Variants in SGCZ observed in about 807,000 individuals in gnomAD.
SGCZ encodes the protein sarcoglycan zeta.
A neutral mutation model predicts 41.3 loss-of-function variants in SGCZ; 40 were observed. The observed-to-expected ratio is 0.97, with a 90% CI of 0.75 to 1.26. The LOEUF (loss-of-function observed/expected upper bound fraction) is 1.26. Among genes scored for constraint, SGCZ ranks in the 50% most tolerant of loss-of-function variants. SGCZ has a pLI of 0.00. For synonymous variants in SGCZ, 206 were observed against 137.5 expected (o/e 1.50, Z -3.49); for missense variants, 552 against 369.8 (o/e 1.49, Z -4.04).
intron 2 of SGCZ, among the ~76,000 whole-genome samples, chr8:14,542,899 C>T (rs918684170): frequency 2.0e-5 from 3 of 151,470 alleles, no homozygotes; most frequent in Non-Finnish European, 4.4e-5. Flanking sequence ...CTACTATTAC[C>T]TTTTTTTTAA....
chr8:14,194,332 C>T (rs906988084), intron 4 of SGCZ, among the ~76,000 whole-genome samples: 1 of 151,770 alleles, frequency 6.6e-6, no homozygotes, highest in African/African-American at 2.4e-5. Flanking sequence ...GAAAACGAGA[C>T]CAGAGTAAGT....
At position 14,204,705 on chromosome 8, in the gene SGCZ, A is replaced by T. The variant is rs1028784505; in HGVS notation, c.424+32887T>A. On this transcript the variant is annotated intron_variant, in intron 4 of 7. Coordinates refer to ENST00000382080, the MANE Select transcript of SGCZ (RefSeq NM_139167.4). ...GCTGGGTAGAACAAAAAGTTAGAGG[A>T]AAACCAGATCCTTTATTTTTATGCT... is the stretch of plus-strand genomic sequence containing the variant. 7.9e-5 allele frequency among the ~76,000 whole-genome samples: 12 copies of T among 152,280 alleles called. 1 individual carries two copies. The highest frequency in any genetic ancestry group is 2.9e-4 in the African/African-American group (12 of 41,570).
At chr8:14,504,784 T>G (rs1393069313) in intron 2 of SGCZ, among the ~76,000 whole-genome samples, 1 of 152,180 alleles carries the variant, frequency 6.6e-6, no homozygotes, top group East Asian at 1.9e-4. Flanking sequence ...CTGTTTCCCC[T>G]CAGCTGAAAC....
chr8:14,553,266 A>C lies in SGCZ; in HGVS notation c.234+1466T>G, dbSNP rs375028305. ...GAGAGGGTAAAGTGAGCCAACTCTT[A>C]GACAAAGAAGTGATTCAGATGCATT... On this transcript the variant is annotated intron_variant, in intron 2 of 7. Transcript: ENST00000382080. 2.3e-3 allele frequency among the ~76,000 whole-genome samples: 356 copies of C among 152,108 alleles called. 1 individual carries two copies. The highest frequency in any genetic ancestry group is 4.6e-3 in the Non-Finnish European group (314 of 67,974).
At chr8:14,797,411 G>A (rs1262890753) in intron 1 of SGCZ, among the ~76,000 whole-genome samples, 1 of 152,160 alleles carries the variant, frequency 6.6e-6, no homozygotes, top group African/African-American at 2.4e-5. Flanking sequence ...TCAGCAAAGA[G>A]ACTGGAGGCA....
At chr8:14,926,147 T>G (rs995000321) in intron 1 of SGCZ, among the ~76,000 whole-genome samples, 1 of 152,270 alleles carries the variant, frequency 6.6e-6, no homozygotes, top group South Asian at 2.1e-4. Flanking sequence ...TCAGTAAAAA[T>G]ATTTCATTTT....
rs1465325848 is a variant in SGCZ, at chr8:14,090,582, GAGA to G, written c.797_799del (p.Phe266del). 1 of 1,612,754 alleles carries G rather than the reference GAGA, an allele frequency of 6.2e-7. No homozygotes were observed. Among genetic ancestry groups the G allele is most frequent in the East Asian group, 2.2e-5 (1 of 44,854 alleles). ...ACTTGAGGAGCTGGGTGAAGAAGAT[GAGA>G]AGGAGCCAGTTGGTAGATTTCCCAG... On this transcript the variant is annotated inframe_deletion, in exon 8 of 8. Transcript: ENST00000382080.
intron 1 of SGCZ, among the ~76,000 whole-genome samples, chr8:15,086,969 T>C (rs1442881000): frequency 6.6e-6 from 1 of 151,934 alleles, no homozygotes; most frequent in South Asian, 2.1e-4. Context: ...AAATGATTAA[T>C]CAGCTCATCT....
intron 1 of SGCZ, among the ~76,000 whole-genome samples, chr8:15,051,539 T>G: frequency 6.6e-6 from 1 of 152,138 alleles, no homozygotes. Context: ...AGGATTGGAA[T>G]TGTGGAGTGC....
chr8:14,658,163 C>T (rs1047930493), intron 1 of SGCZ, among the ~76,000 whole-genome samples: 2 of 152,190 alleles, frequency 1.3e-5, no homozygotes, highest in Admixed American at 6.6e-5. Flanking sequence ...CAACTTCATT[C>T]TTTCAATTCC....
chr8:15,112,991 T>G (rs1807127837), intron 1 of SGCZ, among the ~76,000 whole-genome samples: 3 of 152,122 alleles, frequency 2.0e-5, no homozygotes, highest in South Asian at 4.2e-4. Flanking sequence ...GGTGGATCGC[T>G]TGGGCCCAGG....
intron 2 of SGCZ, among the ~76,000 whole-genome samples, chr8:14,503,343 G>A (rs531912056): frequency 3.2e-4 from 48 of 152,124 alleles, no homozygotes; most frequent in Non-Finnish European, 6.5e-4. Context: ...AATACCTAAC[G>A]TAGATGATGG....
chr8:15,085,534 A>T (rs1044359154), intron 1 of SGCZ, among the ~76,000 whole-genome samples: 2 of 152,184 alleles, frequency 1.3e-5, no homozygotes, highest in Admixed American at 6.5e-5. Flanking sequence ...GTGGGATATG[A>T]CATGTCAATA....
chr8:14,111,057 T>TAACAAC (rs1302314474), intron 5 of SGCZ, among the ~76,000 whole-genome samples: 17 of 46,534 alleles, frequency 3.7e-4, no homozygotes, highest in African/African-American at 2.2e-3. Context: ...ATATTAAAAA[T>TAACAAC]AATAACAACA....
rs777721336 is a variant in SGCZ at position 14,164,565 on chromosome 8, C to T, written c.547+15G>A. 68 of 1,612,530 alleles carry T rather than the reference C, an allele frequency of 4.2e-5. No individual in the cohort carries two copies. In the Middle Eastern group the frequency reaches 1.2e-3, roughly 27 times the overall value. On this transcript the variant is annotated intron_variant, in intron 5 of 7. Transcript: ENST00000382080. ...AAAGAAGTAAACAATTTTTCAAGAC[C>T]TCCATCTACAGTACCTGTAACTTTC...
At chr8:14,605,259 GTT>G (rs146346588) in intron 1 of SGCZ, among the ~76,000 whole-genome samples, 2 of 151,000 alleles carry the variant, frequency 1.3e-5, no homozygotes, top group Non-Finnish European at 3.0e-5. Context: ...TCTTTTTAAA[GTT>G]TTTTTTTAAG....
intron 1 of SGCZ, among the ~76,000 whole-genome samples, chr8:15,033,359 G>A (rs1244475452): frequency 6.6e-6 from 1 of 151,754 alleles, no homozygotes; most frequent in East Asian, 2.0e-4. Context: ...AACCAGGCTA[G>A]CACAAATAAT....
chr8:14,467,825 A>G (rs1163063864), intron 2 of SGCZ, among the ~76,000 whole-genome samples: 2 of 152,084 alleles, frequency 1.3e-5, no homozygotes, highest in Non-Finnish European at 2.9e-5. Flanking sequence ...TTTGATGAAA[A>G]TGACATCTTC....
chr8:14,238,044 G>A (rs540178992), intron 3 of SGCZ, among the ~76,000 whole-genome samples: 2 of 152,196 alleles, frequency 1.3e-5, no homozygotes, highest in Non-Finnish European at 1.5e-5. Context: ...CCCTTTTTAA[G>A]TTTAAGTTGC....
Sources: gnomAD v4.1 joint callset for allele counts (sites outside exome capture counted in the v4.1 genomes callset) on GRCh38, gnomAD v4.1.1 for gene constraint, MANE v1.5 for transcripts, NCBI Gene and HGNC (gene_info 2026-07-23, HGNC 2026-07-21) for gene names.